Variants in TTC3 observed in about 807,000 individuals in gnomAD.
TTC3 encodes E3 ubiquitin-protein ligase TTC3.
TTC3 carries 180 observed loss-of-function variants against 249.6 expected under a neutral mutation model. The ratio of observed to expected loss-of-function variants is 0.72; its 90% CI spans 0.64 to 0.82. The LOEUF is 0.82. Among genes scored for constraint, TTC3 ranks in the 40% least tolerant of loss-of-function variants. The pLI is 0.00. For synonymous variants in TTC3, 717 were observed against 805.0 expected, an observed-to-expected ratio of 0.89 and a Z score of 1.85; for missense variants, 2,061 against 2,398.4, an observed-to-expected ratio of 0.86 and a Z score of 2.94.
In TTC3 at chr21:37,195,834, GGGCCACC is replaced by G; in HGVS notation, c.5378_5384del (p.Gly1793AlafsTer10). On this transcript the variant is annotated frameshift_variant, in exon 42 of 46. Transcript: ENST00000355666. LOFTEE classifies it high-confidence loss of function. ...GGAGGCTCCTTCTGCGCTGTTGCCA[GGGCCACC>G]CCCTGGTCAGCCTGAAGCCACTCAG... is the stretch of plus-strand genomic sequence containing the variant. 1 of 1,614,242 alleles carries G rather than the reference GGGCCACC, an allele frequency of 6.2e-7. No homozygotes were observed. The highest frequency in any genetic ancestry group is 1.1e-5 in the South Asian group (1 of 91,092).
chr21:37,182,631 C>T, intron 35 of TTC3, 143 bp from the exon 36 acceptor site: 1 of 821,348 alleles, frequency 1.2e-6, no homozygotes, highest in Admixed American at 3.8e-5. Flanking sequence ...CATAGTCTGC[C>T]ACAGGGCGCC....
intron 1 of TTC3, among the ~76,000 whole-genome samples, chr21:37,079,908 T>C (rs1357873537): frequency 6.6e-6 from 1 of 152,178 alleles, no homozygotes; most frequent in Non-Finnish European, 1.5e-5. Flanking sequence ...ATATTATTTA[T>C]GTCTGACTTC....
chr21:37,112,193 T>C (rs962738890), intron 11 of TTC3, among the ~76,000 whole-genome samples: 1 of 151,904 alleles, frequency 6.6e-6, no homozygotes, highest in African/African-American at 2.4e-5. Context: ...ATATCTAAGA[T>C]CAGAGCAGAA....
chr21:37,141,419 C>CCCG (rs1555888001), intron 20 of TTC3, among the ~76,000 whole-genome samples: 9 of 151,810 alleles, frequency 5.9e-5, no homozygotes, highest in Non-Finnish European at 1.2e-4. Flanking sequence ...GAATCCCCCC[C>CCCG]CCAGCCATCT....
At chr21:37,141,713 G>C (rs1022130149) in intron 20 of TTC3, among the ~76,000 whole-genome samples, 1 of 152,316 alleles carries the variant, frequency 6.6e-6, no homozygotes, top group South Asian at 2.1e-4. Flanking sequence ...AGGTTGCAGT[G>C]AGCTGAGATT....
At chr21:37,120,682 T>A (rs2076514188) in intron 11 of TTC3, among the ~76,000 whole-genome samples, 1 of 152,186 alleles carries the variant, frequency 6.6e-6, no homozygotes, top group Admixed American at 6.5e-5. Context: ...CCAAATAGTC[T>A]GTCTAAAAAA....
intron 13 of TTC3, among the ~76,000 whole-genome samples, chr21:37,124,069 A>C (rs543410539): frequency 7.5e-6 from 1 of 134,110 alleles, no homozygotes; most frequent in South Asian, 2.4e-4. Flanking sequence ...TGCCCAGCTG[A>C]TATTTAAATG....
chr21:37,186,552 C>T (rs191611905), intron 37 of TTC3, among the ~76,000 whole-genome samples: 3 of 152,270 alleles, frequency 2.0e-5, no homozygotes, highest in Non-Finnish European at 2.9e-5. Flanking sequence ...GCAATTCTCT[C>T]GCCTCAGCCT....
intron 11 of TTC3, among the ~76,000 whole-genome samples, chr21:37,111,731 A>G (rs145483670): frequency 0.027 from 4,167 of 152,278 alleles, 82 homozygotes; most frequent in Middle Eastern, 0.044. Flanking sequence ...TCCACCCCAA[A>G]TCAACAGAAT....
intron 11 of TTC3, among the ~76,000 whole-genome samples, chr21:37,111,433 A>G (rs1196851352): frequency 6.6e-6 from 1 of 152,216 alleles, no homozygotes; most frequent in African/African-American, 2.4e-5. Context: ...CTTTAAACCA[A>G]CAAAGATCAA....
chr21:37,119,508 C>T (rs2076416269), intron 11 of TTC3, among the ~76,000 whole-genome samples: 1 of 152,096 alleles, frequency 6.6e-6, no homozygotes, highest in African/African-American at 2.4e-5. Flanking sequence ...TGGAGTTCTC[C>T]CTGTGTGCAG....
chr21:37,180,843 TAA>T (rs138425939), intron 35 of TTC3, among the ~76,000 whole-genome samples: 2 of 143,120 alleles, frequency 1.4e-5, no homozygotes, highest in African/African-American at 2.6e-5. Flanking sequence ...TTAGAAAATG[TAA>T]AAAAAAAAAA....
chr21:37,090,170 G>C (rs777238889), intron 5 of TTC3, 63 bp from the exon 6 acceptor site: 1 of 1,296,518 alleles, frequency 7.7e-7, no homozygotes, highest in Admixed American at 1.9e-5. Context: ...CCATTTTTCC[G>C]TTAGAAAATT....
chr21:37,102,115 A>G (rs2074573211), intron 10 of TTC3, among the ~76,000 whole-genome samples: 1 of 152,098 alleles, frequency 6.6e-6, no homozygotes, highest in African/African-American at 2.4e-5. Flanking sequence ...TACTCATGAT[A>G]TATGAATGAA....
intron 11 of TTC3, among the ~76,000 whole-genome samples, chr21:37,121,030 G>C (rs1601586406): frequency 1.3e-5 from 2 of 152,234 alleles, no homozygotes; most frequent in Admixed American, 1.3e-4. Context: ...TGCCTAAAAT[G>C]GGAATTTGGT....
chr21:37,154,759 G>A (rs954527831), intron 27 of TTC3, among the ~76,000 whole-genome samples: 7 of 151,964 alleles, frequency 4.6e-5, no homozygotes, highest in African/African-American at 9.7e-5. Flanking sequence ...GCAGCGGCGC[G>A]ATCTCGGCTC....
intron 1 of TTC3, among the ~76,000 whole-genome samples, chr21:37,078,214 T>G (rs1268147054): frequency 1.3e-5 from 2 of 151,486 alleles, no homozygotes; most frequent in Non-Finnish European, 2.9e-5. Context: ...TCTGTCTCTG[T>G]GTTCATACCA....
chr21:37,146,587 A>C (rs961745674), intron 21 of TTC3, among the ~76,000 whole-genome samples: 1 of 152,146 alleles, frequency 6.6e-6, no homozygotes, highest in Non-Finnish European at 1.5e-5. Context: ...TGCTAAGTAA[A>C]AGAAGCCAAA....
chr21:37,100,283 T>A (rs2074350468), intron 10 of TTC3, among the ~76,000 whole-genome samples: 2 of 152,090 alleles, frequency 1.3e-5, no homozygotes, highest in Non-Finnish European at 2.9e-5. Flanking sequence ...TTCTCTGTAC[T>A]TTTATGTATA....
Sources: gnomAD v4.1 joint callset for allele counts (sites outside exome capture counted in the v4.1 genomes callset) on GRCh38, gnomAD v4.1.1 for gene constraint, MANE v1.5 for transcripts, NCBI Gene and HGNC (gene_info 2026-07-23, HGNC 2026-07-21) for gene names.